SCAF8: variants seen among roughly 807,000 people sequenced by gnomAD.
The protein encoded by SCAF8 is SR-related CTD associated factor 8.
In SCAF8, 23 loss-of-function variants were observed where a neutral mutation model predicts 140.5. The observed-to-expected ratio is 0.16, with a 90% confidence interval of 0.12 to 0.23. The LOEUF is 0.23. Ranked by LOEUF, SCAF8 falls within the 10% of genes least tolerant of loss-of-function variation. The probability of loss-of-function intolerance (pLI) is 1.00; values close to 1 mark genes in which losing one functional copy is unlikely to be tolerated. For synonymous variants in SCAF8, 575 were observed against 528.9 expected (o/e 1.09, Z -1.20); for missense variants, 1,397 against 1,555.7 (o/e 0.90, Z 1.72).
intron 1 of SCAF8, among the ~76,000 whole-genome samples, chr6:154,758,100 CAG>C (rs1779011276): frequency 6.6e-6 from 1 of 151,944 alleles, no homozygotes; most frequent in African/African-American, 2.4e-5. Context: ...TTGGTAAAGA[CAG>C]GGTTTCACCA....
intron 1 of SCAF8, among the ~76,000 whole-genome samples, chr6:154,749,260 A>G (rs747357780): frequency 6.6e-6 from 1 of 152,210 alleles, no homozygotes; most frequent in Non-Finnish European, 1.5e-5. Flanking sequence ...TTATTTTGCT[A>G]GTCCTACACA....
At chr6:154,735,512 G>T (rs1778391189) in intron 1 of SCAF8, among the ~76,000 whole-genome samples, 1 of 136,094 alleles carries the variant, frequency 7.3e-6, no homozygotes, top group African/African-American at 2.9e-5. Context: ...ATAGACTTGG[G>T]AATCTTCTTT....
intron 1 of SCAF8, among the ~76,000 whole-genome samples, chr6:154,757,088 C>T (rs116364904): frequency 0.051 from 7,785 of 151,888 alleles, 563 homozygotes; most frequent in African/African-American, 0.16. Flanking sequence ...TGCGGTGGTG[C>T]AACCTCTGTC....
At position 154,833,323 on chromosome 6, in the gene SCAF8, G is replaced by A. The variant is rs549831467; in HGVS notation, c.3744G>A (p.Lys1248=). Residue 1248 remains lysine, a synonymous_variant, in exon 20 of 20, where the codon AAG becomes AAA. Coordinates refer to ENST00000367178, the MANE Select transcript of SCAF8 (RefSeq NM_014892.5). The part of the protein sequence containing the change: ...EKLTSSNEIN[K]EKSDTVADIE... ...TGACATCTTCAAATGAAATAAACAA[G>A]GAGAAGAGTGACACAGTTGCTGATA... 2 of 1,613,894 alleles carry A rather than the reference G, an allele frequency of 1.2e-6. No individual in the cohort carries two copies. Among genetic ancestry groups the A allele is most frequent in the East Asian group, 4.5e-5 (2 of 44,832 alleles).
At position 154,805,494 on chromosome 6, in the gene SCAF8, A is replaced by T. The variant is rs1174699351; in HGVS notation, c.981+8A>T. On this transcript the variant is annotated splice_region_variant and intron_variant, in intron 9 of 19. Transcript: ENST00000367178. Reference sequence around the variant, plus strand: ...CAGCAACAGCCTCAAAAGGTTTATAACCCCATCTTGTGGTCTTTAGAGTTA... The same window carrying T: ...CAGCAACAGCCTCAAAAGGTTTATATCCCCATCTTGTGGTCTTTAGAGTTA... 6.6e-7 allele frequency: 1 copy of T among 1,523,228 alleles called. No homozygotes were observed. Among genetic ancestry groups the T allele is most frequent in the South Asian group, 1.2e-5 (1 of 86,276 alleles). 94.4% of individuals were successfully genotyped at this position (1,523,228 alleles called of 1,614,324 possible).
intron 1 of SCAF8, among the ~76,000 whole-genome samples, chr6:154,740,207 G>T (rs1262350625): frequency 6.6e-6 from 1 of 152,158 alleles, no homozygotes; most frequent in East Asian, 1.9e-4. Flanking sequence ...CAAGAGCTAA[G>T]TATCTTGGGA....
At position 154,831,870 on chromosome 6, in the gene SCAF8, G is replaced by A. The variant is rs1160558110; in HGVS notation, c.2360-69G>A. ...TGATTATTGGGGGATACAAGTAGCT[G>A]ATTAAGCTAAAATTATTGGAAACTT... On this transcript the variant is annotated intron_variant, in intron 19 of 19. Transcript: ENST00000367178. 10 of 1,370,234 alleles carry A rather than the reference G, an allele frequency of 7.3e-6. No homozygotes were observed. The African/African-American group carries it at 1.4e-4, about 20-fold the overall frequency. 84.9% of individuals were successfully genotyped at this position (1,370,234 alleles called of 1,614,324 possible). A position where few individuals can be genotyped will look rare whatever the true frequency, so the allele number is the denominator to read the frequency against.
chr6:154,733,623 C>A lies in SCAF8; in HGVS notation c.-278C>A. 7.7e-7 allele frequency: 1 copy of A among 1,295,366 alleles called. No individual in the cohort carries two copies. The highest frequency in any genetic ancestry group is 2.5e-5 in the South Asian group (1 of 40,664). 80.2% of individuals were successfully genotyped at this position (1,295,366 alleles called of 1,614,324 possible). A position where few individuals can be genotyped will look rare whatever the true frequency, so the allele number is the denominator to read the frequency against. On this transcript the variant is annotated 5_prime_UTR_variant, in exon 1 of 20. Transcript: ENST00000367178. ...AGAAGAGAAGGCGCCGCGGCCCAGC[C>A]CCTCCCCCGCCCGCCGCCGACCCGC...
intron 1 of SCAF8, among the ~76,000 whole-genome samples, chr6:154,767,281 C>T (rs1227234089): frequency 5.9e-5 from 9 of 152,158 alleles, no homozygotes; most frequent in Non-Finnish European, 1.3e-4. Flanking sequence ...ATAAGCCTGA[C>T]TGCATTTGCA....
intron 5 of SCAF8, among the ~76,000 whole-genome samples, chr6:154,793,989 A>T (rs1037488060): frequency 6.6e-6 from 1 of 151,896 alleles, no homozygotes; most frequent in Non-Finnish European, 1.5e-5. Flanking sequence ...TGGTGTGATC[A>T]TAGCTCACTG....
Position 154,806,462 on chromosome 6 carries a change from A to G in SCAF8, c.981+976A>G, listed in dbSNP as rs541065767. Among the ~76,000 whole-genome samples the G allele has an allele frequency of 3.3e-5, 5 of 152,190 alleles. No homozygotes were observed. In the South Asian group the frequency reaches 6.2e-4, roughly 19 times the overall value. On this transcript the variant is annotated intron_variant, in intron 9 of 19. Transcript: ENST00000367178. The stretch of plus-strand genomic sequence containing the variant: ...TTGAGTATGTGTTACTTGTTAGGCA[A>G]GTGTTACATACAGAGATGAACAGAA...
rs532276397 is a variant in SCAF8 at position 154,753,992 on chromosome 6, T to C, written c.31-19997T>C. 2.0e-5 allele frequency among the ~76,000 whole-genome samples: 3 copies of C among 152,326 alleles called. No individual in the cohort carries two copies. The South Asian group carries it at 6.2e-4, about 32-fold the overall frequency. ...TGTTGGAATTATAGGCGCGAGCCACTGTGCCTGGTCTCCATATTGTTTTTG... is the reference window on the plus strand; with the variant it reads ...TGTTGGAATTATAGGCGCGAGCCACCGTGCCTGGTCTCCATATTGTTTTTG... On this transcript the variant is annotated intron_variant, in intron 1 of 19. Transcript: ENST00000367178.
chr6:154,781,376 G>C (rs749007408), intron 3 of SCAF8, among the ~76,000 whole-genome samples: 2 of 152,156 alleles, frequency 1.3e-5, no homozygotes, highest in Non-Finnish European at 2.9e-5. Flanking sequence ...TATCCTCATG[G>C]ATAGGAAGAA....
intron 3 of SCAF8, among the ~76,000 whole-genome samples, chr6:154,779,526 A>G (rs1777020485): frequency 6.6e-6 from 1 of 152,288 alleles, no homozygotes; most frequent in East Asian, 1.9e-4. Context: ...TAAAAGGTAA[A>G]AGTGAATTTA....
intron 3 of SCAF8, among the ~76,000 whole-genome samples, chr6:154,779,496 C>T (rs1286655159): frequency 1.3e-5 from 2 of 152,032 alleles, no homozygotes. Flanking sequence ...TTACAAACCA[C>T]AATTTGAGTA....
intron 1 of SCAF8, among the ~76,000 whole-genome samples, chr6:154,755,773 T>C (rs1029798245): frequency 6.6e-6 from 1 of 152,234 alleles, no homozygotes; most frequent in African/African-American, 2.4e-5. Context: ...AGCTGTGCAC[T>C]ATATATTCCC....
Position 154,833,028 on chromosome 6 carries a change from A to G in SCAF8, c.3449A>G (p.Asp1150Gly), listed in dbSNP as rs771783415. Residue 1150 changes from aspartate (D) to glycine (G), a missense_variant, in exon 20 of 20, where the codon GAT becomes GGT. By Grantham distance (94) the Asp-to-Gly change is moderately conservative. Coordinates refer to ENST00000367178, the MANE Select transcript of SCAF8 (RefSeq NM_014892.5). Reference protein sequence around the residue: ...GFGQEVHRDFDDRRRPWERQR... With the variant: ...GFGQEVHRDFGDRRRPWERQR... ...GGACAAGAAGTTCACAGAGATTTTG[A>G]TGACCGCAGAAGACCCTGGGAGAGG... 2 of 1,614,164 alleles carry G rather than the reference A, an allele frequency of 1.2e-6. No individual in the cohort carries two copies. Among genetic ancestry groups the G allele is most frequent in the South Asian group, 2.2e-5 (2 of 91,086 alleles).
At chr6:154,734,243 A>G (rs974081770) in intron 1 of SCAF8, among the ~76,000 whole-genome samples, 3 of 152,144 alleles carry the variant, frequency 2.0e-5, no homozygotes, top group African/African-American at 7.2e-5. Context: ...AGGTCCCTCG[A>G]GGTCAGTTCC....
intron 3 of SCAF8, among the ~76,000 whole-genome samples, chr6:154,778,769 ATG>A (rs71021079): frequency 0.032 from 4,476 of 141,892 alleles, 81 homozygotes; most frequent in African/African-American, 0.056. Context: ...GTCTCAAAAA[ATG>A]TGTGTGTGTG....
Sources: allele counts gnomAD v4.1 joint callset (sites outside exome capture counted in the v4.1 genomes callset), GRCh38; gene constraint gnomAD v4.1.1; transcripts MANE v1.5; gene names NCBI Gene and HGNC (gene_info 2026-07-23, HGNC 2026-07-21).